Variants in COL24A1 observed in about 807,000 individuals in gnomAD.
The protein encoded by COL24A1 is collagen type XXIV alpha 1 chain, also known as collagen alpha-1(XXIV) chain.
Under a neutral mutation model 253.9 loss-of-function variants are expected in COL24A1, and 224 were observed. That is an observed-to-expected ratio of 0.88 (90% CI 0.79 to 0.99). The LOEUF is 0.99. Among genes scored for constraint, COL24A1 ranks in the 50% least tolerant of loss-of-function variants. COL24A1 has a pLI of 0.00. For synonymous variants in COL24A1, 685 were observed against 673.7 expected (o/e 1.02, Z -0.26); for missense variants, 2,131 against 2,068.5 (o/e 1.03, Z -0.59).
At chr1:86,099,328 C>T (rs1704250315) in intron 5 of COL24A1, among the ~76,000 whole-genome samples, 1 of 151,930 alleles carries the variant, frequency 6.6e-6, no homozygotes, top group African/African-American at 2.4e-5. Flanking sequence ...AGCTTTCCAC[C>T]TTAAGCTGGA....
intron 47 of COL24A1, among the ~76,000 whole-genome samples, chr1:85,811,738 T>A (rs1325153912): frequency 6.6e-6 from 1 of 152,246 alleles, no homozygotes; most frequent in Non-Finnish European, 1.5e-5. Flanking sequence ...ATGGGATTAC[T>A]GGTCATTTGT....
At chr1:85,910,578 T>C (rs552066532) in intron 25 of COL24A1, among the ~76,000 whole-genome samples, 1 of 152,036 alleles carries the variant, frequency 6.6e-6, no homozygotes, top group Admixed American at 6.6e-5. Context: ...AGCACAGAAA[T>C]AACTAATTGG....
chr1:85,971,766 T>C (rs1430553060), intron 20 of COL24A1, among the ~76,000 whole-genome samples: 2 of 152,072 alleles, frequency 1.3e-5, no homozygotes, highest in South Asian at 2.1e-4. Context: ...AAACAAACAG[T>C]GTTTTAATAT....
intron 1 of COL24A1, among the ~76,000 whole-genome samples, chr1:86,151,395 C>A (rs1652759922): frequency 6.6e-6 from 1 of 152,070 alleles, no homozygotes; most frequent in Non-Finnish European, 1.5e-5. Context: ...TTAACAAAAT[C>A]AGACCATATC....
rs150378095 is a variant in COL24A1 at position 85,924,096 on chromosome 1, T to C, written c.2563-12663A>G. On this transcript the variant is annotated intron_variant, in intron 24 of 59. Transcript: ENST00000370571. Reference sequence around the variant, plus strand: ...AGAAATTGATAAATTCCTGGACACATACACCCTCCAAAGACTAAACCAGGA... The same window carrying C: ...AGAAATTGATAAATTCCTGGACACACACACCCTCCAAAGACTAAACCAGGA... Among the ~76,000 whole-genome samples the C allele has an allele frequency of 2.4e-3, 358 of 152,232 alleles. 5 individuals carry two copies. Among genetic ancestry groups the C allele is most frequent in the African/African-American group, 8.2e-3 (342 of 41,540 alleles).
chr1:85,908,402 A>G (rs889687931), intron 27 of COL24A1, among the ~76,000 whole-genome samples, 196 bp downstream of exon 27: 5 of 151,786 alleles, frequency 3.3e-5, no homozygotes, highest in Non-Finnish European at 5.9e-5. Flanking sequence ...AATTGATTGT[A>G]TACCAAGTAG....
chr1:85,802,474 T>C (rs1045055176), intron 47 of COL24A1, among the ~76,000 whole-genome samples: 2 of 152,172 alleles, frequency 1.3e-5, no homozygotes, highest in Non-Finnish European at 2.9e-5. Flanking sequence ...TTATTCCCAA[T>C]TTACAAACTC....
intron 31 of COL24A1, among the ~76,000 whole-genome samples, chr1:85,892,319 G>A (rs1324764119): frequency 6.6e-6 from 1 of 151,884 alleles, no homozygotes; most frequent in Admixed American, 6.6e-5. Context: ...AGTGCTGAAT[G>A]AAAACAAAAA....
At chr1:85,841,967 G>T in intron 41 of COL24A1, 101 bp downstream of exon 41, 8 of 951,516 alleles carry the variant, frequency 8.4e-6, no homozygotes, top group South Asian at 5.1e-5. Flanking sequence ...CTTTAAAAGT[G>T]CTTCTTTTAT....
rs1691426626 is a variant in COL24A1 at position 85,965,029 on chromosome 1, G to A, written c.2497C>T (p.Pro833Ser). 1.2e-6 allele frequency: 2 copies of A among 1,610,996 alleles called. No individual in the cohort carries two copies. The highest frequency in any genetic ancestry group is 1.3e-5 in the African/African-American group (1 of 74,776). ...KPGQKGYAGE[P>S]GPEGLKGEVG... The stretch of plus-strand genomic sequence containing the variant: ...TTTACCTTTAAGCCTTCTGGTCCTG[G>A]TTCACCTGCATACCCCTTTTGACCT... Residue 833 changes from proline (P) to serine (S), a missense_variant, in exon 23 of 60, where the codon CCA (proline) becomes TCA (serine). Pro to Ser is a moderately conservative substitution (Grantham distance 74). Coordinates refer to ENST00000370571, the MANE Select transcript of COL24A1 (RefSeq NM_152890.7).
At chr1:85,743,975 A>G (rs1664922260) in intron 57 of COL24A1, among the ~76,000 whole-genome samples, 1 of 152,142 alleles carries the variant, frequency 6.6e-6, no homozygotes, top group African/African-American at 2.4e-5. Context: ...ATAACATAAC[A>G]TAGCTTTTTC....
intron 18 of COL24A1, 39 bp downstream of exon 18, chr1:86,022,201 C>A (rs374852824): frequency 1.5e-5 from 23 of 1,552,634 alleles, no homozygotes; most frequent in African/African-American, 2.7e-5. Flanking sequence ...GACATGCACT[C>A]TGTCAATTAC....
intron 10 of COL24A1, among the ~76,000 whole-genome samples, chr1:86,051,409 T>C (rs572892158): frequency 3.9e-5 from 6 of 151,980 alleles, no homozygotes; most frequent in Admixed American, 6.6e-5. Flanking sequence ...AGAGAGAAGA[T>C]TAATGGTGCT....
Position 85,729,986 on chromosome 1 carries a change from T to C in COL24A1, c.*560A>G, listed in dbSNP as rs1663318741. The C allele has an allele frequency of 1.3e-5, 2 of 152,590 alleles. No homozygotes were observed. Among genetic ancestry groups the C allele is most frequent in the Non-Finnish European group, 2.9e-5 (2 of 68,066 alleles). The allele number at this position is 152,590 out of a possible 1,614,324, so 9.5% of individuals were successfully genotyped here. ...AGAATGACAAAGATGAAAAAGGAAATAGTCTATGAAAGCCATAAGCACCTT... is the reference window on the plus strand; with the variant it reads ...AGAATGACAAAGATGAAAAAGGAAACAGTCTATGAAAGCCATAAGCACCTT... On this transcript the variant is annotated 3_prime_UTR_variant, in exon 60 of 60. Coordinates refer to ENST00000370571, the MANE Select transcript of COL24A1 (RefSeq NM_152890.7).
In COL24A1 at chr1:86,146,156, T is replaced by C. The variant is rs1346280747; in HGVS notation, c.84A>G (p.Leu28=). ...KTKSLLHFIV[L]CVAGVVVHAQ... ...CATGAACAACCACCCCAGCCACACA[T>C]AGTACAATAAAATGAAGAAGTGATT... The change falls in exon 2 of 60, where the codon CTA becomes CTG. Residue 28 remains leucine, a synonymous_variant. Transcript: ENST00000370571. 9.3e-6 allele frequency: 15 copies of C among 1,611,380 alleles called. No individual in the cohort carries two copies. The highest frequency in any genetic ancestry group is 1.2e-5 in the Non-Finnish European group (14 of 1,178,744).
rs1386628868 is a variant in COL24A1, at chr1:85,852,494, A to C, written c.3301-3088T>G. ...ACAAATTTTTAAATCACTTTTTATC[A>C]ATCAAGTTTTATTAAAAATCCCATT... On this transcript the variant is annotated intron_variant, in intron 37 of 59. Transcript: ENST00000370571. Among the ~76,000 whole-genome samples the C allele has an allele frequency of 2.6e-5, 4 of 152,142 alleles. No individual in the cohort carries two copies. In the South Asian group the frequency reaches 6.2e-4, roughly 24 times the overall value.
chr1:85,784,151 G>T lies in COL24A1; in HGVS notation c.4183C>A (p.Gln1395Lys). The T allele has an allele frequency of 6.2e-7, 1 of 1,613,644 alleles. No homozygotes were observed. Among genetic ancestry groups the T allele is most frequent in the East Asian group, 2.2e-5 (1 of 44,860 alleles). The change falls in exon 50 of 60, where the codon CAA becomes AAA. Residue 1395 changes from glutamine to lysine, a missense_variant. Physicochemically the swap from Gln to Lys is moderately conservative, Grantham distance 53 (BLOSUM62 1). Transcript: ENST00000370571. Reference sequence around the variant, plus strand: ...AATCCTTGGAAACCTGTCAAACCTTGAACACCATATTCTCCCTGCAAAGTG... The same window carrying T: ...AATCCTTGGAAACCTGTCAAACCTTTAACACCATATTCTCCCTGCAAAGTG... ...LKGQPGEYGV[Q>K]GLTGFQGFPG... is the part of the protein sequence containing the mutation.
At chr1:85,929,790 C>T (rs867881482) in intron 24 of COL24A1, among the ~76,000 whole-genome samples, 22 of 151,026 alleles carry the variant, frequency 1.5e-4, no homozygotes, top group Admixed American at 7.3e-4. Context: ...CAGTCAAAGC[C>T]GCTCAACTAC....
intron 5 of COL24A1, among the ~76,000 whole-genome samples, chr1:86,106,397 G>T (rs1180600241): frequency 1.3e-5 from 2 of 151,964 alleles, no homozygotes; most frequent in East Asian, 3.8e-4. Flanking sequence ...AAATTTGAAG[G>T]AACTATTGGC....
Sources: allele counts gnomAD v4.1 joint callset (sites outside exome capture counted in the v4.1 genomes callset), GRCh38; gene constraint gnomAD v4.1.1; transcripts MANE v1.5; gene names NCBI Gene and HGNC (gene_info 2026-07-23, HGNC 2026-07-21).